Variants in INVS observed in about 807,000 individuals in gnomAD.
INVS encodes inversion of embryo turning homolog.
INVS carries 86 observed loss-of-function variants against 108.8 expected under a neutral mutation model. The observed-to-expected ratio is 0.79, with a 90% CI of 0.66 to 0.95. INVS has a LOEUF of 0.95. Among genes scored for constraint, INVS ranks in the 40% least tolerant of loss-of-function variants. The pLI is 0.00. For synonymous variants in INVS, 455 were observed against 473.5 expected, an observed-to-expected ratio of 0.96 and a Z score of 0.51; for missense variants, 1,169 against 1,297.4, an observed-to-expected ratio of 0.90 and a Z score of 1.52.
Position 100,300,740 on chromosome 9 carries a change from C to T in INVS, c.*66C>T, listed in dbSNP as rs1833942722. 8.8e-7 allele frequency: 1 copy of T among 1,138,964 alleles called. No homozygotes were observed. Among genetic ancestry groups the T allele is most frequent in the Non-Finnish European group, 1.3e-6 (1 of 758,694 alleles). The allele number at this position is 1,138,964 out of a possible 1,614,324, so 70.6% of individuals were successfully genotyped here. ...GCTAGTGCAGAGTTCAGATTTTCTG[C>T]TGATAATCTTTTACACCTTGGGAAA... On this transcript the variant is annotated 3_prime_UTR_variant, in exon 17 of 17. Transcript: ENST00000262457.
intron 3 of INVS, among the ~76,000 whole-genome samples, chr9:100,177,447 CGTCCCCCATTACTGAGGCTTCA>C (rs1829754377): frequency 6.6e-6 from 1 of 152,156 alleles, no homozygotes; most frequent in South Asian, 2.1e-4. Context: ...GGGGGAGGGG[CGTCCCCCATTACTGAGGCTTCA>C]GTAGGCAGTT....
At chr9:100,275,705 G>A (rs1228390249) in intron 12 of INVS, among the ~76,000 whole-genome samples, 2 of 152,182 alleles carry the variant, frequency 1.3e-5, no homozygotes, top group Non-Finnish European at 2.9e-5. Context: ...AAATGAGGAT[G>A]TGAAAGGCAC....
chr9:100,286,876 C>T (rs945942501), intron 13 of INVS, among the ~76,000 whole-genome samples: 1 of 152,212 alleles, frequency 6.6e-6, no homozygotes, highest in Admixed American at 6.5e-5. Context: ...CTATACTTCC[C>T]TCTTATAAAG....
chr9:100,175,224 C>A, intron 3 of INVS: 1 of 580,502 alleles, frequency 1.7e-6, no homozygotes, highest in Admixed American at 2.5e-5. Context: ...TGCTCTGAAG[C>A]ATCCAACTGT....
At chr9:100,146,483 A>T (rs1430353211) in intron 3 of INVS, among the ~76,000 whole-genome samples, 4 of 152,212 alleles carry the variant, frequency 2.6e-5, no homozygotes, top group Non-Finnish European at 5.9e-5. Flanking sequence ...TGCAGGTCAC[A>T]GGAGATATGA....
intron 3 of INVS, among the ~76,000 whole-genome samples, chr9:100,141,139 C>G (rs1310083497): frequency 6.6e-6 from 1 of 152,084 alleles, no homozygotes; most frequent in Admixed American, 6.5e-5. Context: ...TATGATTAGA[C>G]AGAAGATAGT....
chr9:100,284,193 G>T, intron 12 of INVS, 127 bp from the exon 13 acceptor site: 1 of 1,150,406 alleles, frequency 8.7e-7, no homozygotes, highest in Non-Finnish European at 1.3e-6. Context: ...GACTGCTCTT[G>T]GAAAATGCAA....
intron 5 of INVS, among the ~76,000 whole-genome samples, chr9:100,233,025 T>C (rs550457151): frequency 1.1e-4 from 16 of 152,326 alleles, no homozygotes; most frequent in African/African-American, 3.6e-4. Context: ...TCCTCTCTTA[T>C]GTCCTTGAAC....
At position 100,292,929 on chromosome 9, in the gene INVS, T is replaced by C; in HGVS notation, c.2672T>C (p.Ile891Thr). 6.2e-7 allele frequency: 1 copy of C among 1,613,608 alleles called. No homozygotes were observed. The highest frequency in any genetic ancestry group is 8.5e-7 in the Non-Finnish European group (1 of 1,179,584). ...CCCCTCTCTGGGCAGAGTGTGAATA[T>C]TGACCTTCTCCCCGTAGAGCTCCGA... ...PGPLSGQSVN[I>T]DLLPVELRLQ... The change falls in exon 14 of 17, where the codon ATT (isoleucine) becomes ACT (threonine). Residue 891 changes from isoleucine (I) to threonine (T), a missense_variant. Physicochemically the swap from Ile to Thr is moderately conservative, Grantham distance 89. Coordinates refer to ENST00000262457, the MANE Select transcript of INVS (RefSeq NM_014425.5).
rs76993604 is a variant in INVS, at chr9:100,287,204, G to A, written c.2068+2601G>A. Among the ~76,000 whole-genome samples, 198 of 152,280 alleles carry A rather than the reference G, an allele frequency of 1.3e-3. 1 individual carries two copies. The highest frequency in any genetic ancestry group is 2.0e-3 in the Non-Finnish European group (138 of 68,012). ...ATGGGATTCCTTGACTCTGGTTTAC[G>A]TGGTTTTCATCCTCCAGTAGACTAG... On this transcript the variant is annotated intron_variant, in intron 13 of 16. Coordinates refer to ENST00000262457, the MANE Select transcript of INVS (RefSeq NM_014425.5).
intron 10 of INVS, among the ~76,000 whole-genome samples, chr9:100,261,157 C>T (rs779702278): frequency 6.6e-6 from 1 of 152,022 alleles, no homozygotes; most frequent in Non-Finnish European, 1.5e-5. Flanking sequence ...AACTCAAGTC[C>T]CTATGAACTC....
At chr9:100,173,286 G>A (rs558970073) in intron 3 of INVS, among the ~76,000 whole-genome samples, 9 of 152,310 alleles carry the variant, frequency 5.9e-5, no homozygotes, top group African/African-American at 1.2e-4. Flanking sequence ...TTGGAAGACC[G>A]TAAGAAGAGG....
At chr9:100,278,700 A>C (rs1487467705) in intron 12 of INVS, among the ~76,000 whole-genome samples, 1 of 152,196 alleles carries the variant, frequency 6.6e-6, no homozygotes, top group Non-Finnish European at 1.5e-5. Context: ...GTTAGACCAA[A>C]TACTCTCTTA....
intron 3 of INVS, chr9:100,129,814 C>A: frequency 1.9e-6 from 1 of 518,530 alleles, no homozygotes; most frequent in South Asian, 3.4e-5. Flanking sequence ...AAGAATACAA[C>A]CCTAACAGGA....
chr9:100,175,271 A>G (rs1829673028), intron 3 of INVS: 1 of 649,150 alleles, frequency 1.5e-6, no homozygotes, highest in Admixed American at 2.1e-5. Flanking sequence ...TTGTGGGCCC[A>G]AAACAAACTA....
intron 3 of INVS, among the ~76,000 whole-genome samples, chr9:100,210,227 G>T (rs972293035): frequency 6.6e-6 from 1 of 152,136 alleles, no homozygotes; most frequent in African/African-American, 2.4e-5. Flanking sequence ...GTCAAAGGGA[G>T]GGATAGTGTG....
intron 11 of INVS, among the ~76,000 whole-genome samples, chr9:100,268,744 G>C (rs1257052211): frequency 2.0e-5 from 3 of 151,788 alleles, no homozygotes; most frequent in African/African-American, 7.3e-5. Flanking sequence ...AAATATTTAA[G>C]ATATAATTTT....
chr9:100,253,864 C>T (rs1229281924), intron 10 of INVS, among the ~76,000 whole-genome samples: 9 of 151,992 alleles, frequency 5.9e-5, no homozygotes, highest in Admixed American at 3.9e-4. Flanking sequence ...TGAATAGTGC[C>T]GCAATAAACA....
intron 3 of INVS, among the ~76,000 whole-genome samples, chr9:100,158,370 A>T (rs1317951565): frequency 6.6e-6 from 1 of 152,228 alleles, no homozygotes; most frequent in Non-Finnish European, 1.5e-5. Flanking sequence ...TTACACTTCA[A>T]TTCTCTAAGT....
Sources: allele counts gnomAD v4.1 joint callset (sites outside exome capture counted in the v4.1 genomes callset), GRCh38; gene constraint gnomAD v4.1.1; transcripts MANE v1.5; gene names NCBI Gene and HGNC (gene_info 2026-07-23, HGNC 2026-07-21).